Variants in DNAI7 observed in about 807,000 individuals in gnomAD.
DNAI7 encodes the protein cancer susceptibility 1.
In DNAI7, 78 loss-of-function variants were observed where a neutral mutation model predicts 86.6. The ratio of observed to expected loss-of-function variants is 0.90; its 90% CI spans 0.75 to 1.09. The LOEUF (loss-of-function observed/expected upper bound fraction) is 1.09. Among genes scored for constraint, DNAI7 ranks in the 50% least tolerant of loss-of-function variants. The pLI, the probability that DNAI7 is intolerant of heterozygous loss-of-function variation, is 0.00. For missense variants in DNAI7, 753 were observed against 810.2 expected, an observed-to-expected ratio of 0.93 and a Z score of 0.86; for synonymous variants, 274 against 273.0, an observed-to-expected ratio of 1.00 and a Z score of -0.04.
chr12:25,161,825 G>C (rs183416523), intron 2 of DNAI7, among the ~76,000 whole-genome samples: 2 of 150,658 alleles, frequency 1.3e-5, no homozygotes. Context: ...CCAAGAAGAG[G>C]TGGTGAAGAA....
chr12:25,108,605 C>G lies in DNAI7; in HGVS notation c.2112G>C (p.Gln704His). 6.2e-7 allele frequency: 1 copy of G among 1,613,840 alleles called. No homozygotes were observed. The highest frequency in any genetic ancestry group is 8.5e-7 in the Non-Finnish European group (1 of 1,179,896). The change falls in exon 16 of 16, where the codon CAG becomes CAC. Residue 704 changes from glutamine (Q) to histidine (H), a missense_variant. Gln to His is a conservative substitution (Grantham distance 24, BLOSUM62 0). Coordinates refer to ENST00000395987, the MANE Select transcript of DNAI7 (RefSeq NM_018272.5). ...GCATGTGGCACACAGAGTTGACAAA[C>G]TGACAGTTGGAACTCCTGACTTTCT... ...AMEKVRSSNC[Q>H]FVNSVCHMLL...
intron 4 of DNAI7, among the ~76,000 whole-genome samples, chr12:25,156,277 G>C (rs1430689520): frequency 6.6e-6 from 1 of 152,158 alleles, no homozygotes; most frequent in Admixed American, 6.5e-5. Context: ...AATATCACTT[G>C]TGCAATTATT....
chr12:25,185,460 A>G (rs1481022017), intron 2 of DNAI7, among the ~76,000 whole-genome samples: 1 of 152,250 alleles, frequency 6.6e-6, no homozygotes, highest in Non-Finnish European at 1.5e-5. Flanking sequence ...TTTGAAGTAT[A>G]AAAAATGTCT....
At position 25,160,396 on chromosome 12, in the gene DNAI7, T is replaced by C. The variant is rs151272178; in HGVS notation, c.106+717A>G. On this transcript the variant is annotated intron_variant, in intron 3 of 15. Coordinates refer to ENST00000395987, the MANE Select transcript of DNAI7 (RefSeq NM_018272.5). ...TTAACTTCTTCGTAAAGCAACCTTT[T>C]TCGATTACTGACTCCACCCTGACTC... is the stretch of plus-strand genomic sequence containing the variant. 6.2e-3 allele frequency among the ~76,000 whole-genome samples: 941 copies of C among 152,346 alleles called. 9 individuals are homozygous for C. The highest frequency in any genetic ancestry group is 0.021 in the African/African-American group (880 of 41,580).
At chr12:25,164,413 G>A (rs927415507) in intron 2 of DNAI7, among the ~76,000 whole-genome samples, 3 of 151,616 alleles carry the variant, frequency 2.0e-5, no homozygotes, top group Admixed American at 6.6e-5. Context: ...GCAAGCTCCC[G>A]CCCTCCATTC....
chr12:25,179,895 T>A (rs995615229), intron 2 of DNAI7, among the ~76,000 whole-genome samples: 9 of 152,070 alleles, frequency 5.9e-5, no homozygotes, highest in Admixed American at 2.6e-4. Flanking sequence ...GAAAAGGGTG[T>A]CCACTCTCAT....
intron 15 of DNAI7, among the ~76,000 whole-genome samples, chr12:25,109,758 A>G (rs1949642264): frequency 2.0e-5 from 3 of 152,050 alleles, no homozygotes; most frequent in Admixed American, 6.5e-5. Context: ...GGCTCACCAC[A>G]ACCTCCACCT....
chr12:25,108,838 A>AAAAAAAAAAAAAAAAAAAT lies in DNAI7; in HGVS notation c.1894-16_1894-15insATTTTTTTTTTTTTTTTTT. 1 of 1,116,152 alleles carries AAAAAAAAAAAAAAAAAAAT rather than the reference A, an allele frequency of 9.0e-7. No homozygotes were observed. 69.1% of individuals were successfully genotyped at this position (1,116,152 alleles called of 1,614,324 possible). On this transcript the variant is annotated splice_polypyrimidine_tract_variant and intron_variant, in intron 15 of 15. Coordinates refer to ENST00000395987, the MANE Select transcript of DNAI7 (RefSeq NM_018272.5). ...TGTTCCCTCACCTAAAAAAAAAAAA[A>AAAAAAAAAAAAAAAAAAAT]ATTCAAGCAAGTTGTTAATAATTCC...
intron 7 of DNAI7, among the ~76,000 whole-genome samples, chr12:25,147,385 C>T (rs1389725776): frequency 6.6e-6 from 1 of 152,072 alleles, no homozygotes; most frequent in African/African-American, 2.4e-5. Context: ...GGTGAGGTGG[C>T]TCATACCTGT....
chr12:25,128,295 T>G (rs1234045673), intron 9 of DNAI7, among the ~76,000 whole-genome samples: 1 of 152,216 alleles, frequency 6.6e-6, no homozygotes, highest in Non-Finnish European at 1.5e-5. Flanking sequence ...TGGAACTGAT[T>G]CTTGATAAGG....
chr12:25,120,460 C>T (rs906155413), intron 11 of DNAI7, among the ~76,000 whole-genome samples: 16 of 152,252 alleles, frequency 1.1e-4, no homozygotes, highest in Non-Finnish European at 2.2e-4. Flanking sequence ...CGGTGGCTCA[C>T]GCCTGTAATC....
intron 3 of DNAI7, among the ~76,000 whole-genome samples, chr12:25,159,314 T>C (rs1946573510): frequency 6.6e-6 from 1 of 152,054 alleles, no homozygotes; most frequent in South Asian, 2.1e-4. Context: ...TGCCAGGGTC[T>C]GTGAAACAAA....
intron 1 of DNAI7, among the ~76,000 whole-genome samples, chr12:25,193,829 CTT>C (rs79253236): frequency 6.6e-6 from 1 of 151,012 alleles, no homozygotes; most frequent in African/African-American, 2.4e-5. Flanking sequence ...CTTTTTTTCT[CTT>C]TTTTTTTTGA....
chr12:25,140,398 A>G (rs1180430910), intron 9 of DNAI7, among the ~76,000 whole-genome samples: 1 of 152,164 alleles, frequency 6.6e-6, no homozygotes, highest in Non-Finnish European at 1.5e-5. Flanking sequence ...CTATATACCA[A>G]CAGTGACCAA....
In DNAI7 at chr12:25,161,167, C is replaced by T. The variant is rs775360033; in HGVS notation, c.52G>A (p.Ala18Thr). 1 of 1,613,926 alleles carries T rather than the reference C, an allele frequency of 6.2e-7. No homozygotes were observed. Residue 18 changes from alanine (A) to threonine (T), a missense_variant, in exon 3 of 16, where the codon GCT becomes ACT. Transcript: ENST00000395987. ...SGSKKKKVTKAERLKLLQEEE... is the reference protein window; with the variant it reads ...SGSKKKKVTKTERLKLLQEEE... ...TCTTGTAGCAGCTTCAATCGTTCAG[C>T]TTTGGTGACTTTCTTTTTCTTACTG...
chr12:25,120,300 G>C (rs1405789437), intron 11 of DNAI7, among the ~76,000 whole-genome samples: 1 of 144,238 alleles, frequency 6.9e-6, no homozygotes, highest in African/African-American at 2.6e-5. Context: ...TGAGAAGAGA[G>C]AGAGAGGCAG....
At chr12:25,116,377 A>C (rs1224974461) in intron 12 of DNAI7, among the ~76,000 whole-genome samples, 1 of 152,088 alleles carries the variant, frequency 6.6e-6, no homozygotes, top group African/African-American at 2.4e-5. Flanking sequence ...TCCGGGCAAA[A>C]TGTTTCCCCA....
At chr12:25,147,170 T>C in intron 7 of DNAI7, 66 bp from the exon 8 acceptor site, 1 of 805,364 alleles carries the variant, frequency 1.2e-6, no homozygotes, top group Non-Finnish European at 2.1e-6. Flanking sequence ...ATTAGATAAG[T>C]TACTTTATCA....
intron 10 of DNAI7, among the ~76,000 whole-genome samples, chr12:25,122,496 A>G (rs76650968): frequency 6.6e-6 from 1 of 151,766 alleles, no homozygotes; most frequent in Non-Finnish European, 1.5e-5. Context: ...AGAAAGAAAA[A>G]GTGAAGTTTA....
Sources: gnomAD v4.1 joint callset for allele counts (sites outside exome capture counted in the v4.1 genomes callset) on GRCh38, gnomAD v4.1.1 for gene constraint, MANE v1.5 for transcripts, NCBI Gene and HGNC (gene_info 2026-07-23, HGNC 2026-07-21) for gene names.